The following MTUS2 variants were observed in gnomAD, a reference collection of about 807,000 sequenced individuals.
MTUS2 encodes the protein microtubule associated scaffold protein 2, also known as microtubule-associated tumor suppressor candidate 2.
MTUS2 carries 40 observed loss-of-function variants against 114.1 expected under a neutral mutation model. The observed-to-expected ratio is 0.35, with a 90% CI of 0.27 to 0.46. MTUS2 has a LOEUF of 0.46. MTUS2 is among the 20% of genes least tolerant of loss of function. The pLI, the probability that MTUS2 is intolerant of heterozygous loss-of-function variation, is 1.00. For synonymous variants in MTUS2, 688 were observed against 672.0 expected (o/e 1.02, Z -0.37); for missense variants, 1,679 against 1,705.4 (o/e 0.98, Z 0.27).
In MTUS2 at chr13:29,413,408, T is replaced by G. The variant is rs540568697; in HGVS notation, c.3118-26575T>G. On this transcript the variant is annotated intron_variant, in intron 8 of 15. Transcript: ENST00000612955. ...CATAGGCGTGGGCAAGGACTTCATG[T>G]CCAAAACACCAAAAGCAATGGCAAC... is the stretch of plus-strand genomic sequence containing the variant. Among the ~76,000 whole-genome samples, 19 of 148,740 alleles carry G rather than the reference T, an allele frequency of 1.3e-4. 1 individual carries two copies. The highest frequency in any genetic ancestry group is 3.4e-3 in the Middle Eastern group (1 of 290).
chr13:29,401,423 A>C (rs1456423786), intron 8 of MTUS2, among the ~76,000 whole-genome samples: 1 of 152,184 alleles, frequency 6.6e-6, no homozygotes, highest in East Asian at 1.9e-4. Context: ...GGTTTGATTC[A>C]TACTTAGGTC....
intron 6 of MTUS2, among the ~76,000 whole-genome samples, chr13:29,286,567 G>A (rs758628564): frequency 2.0e-5 from 3 of 152,324 alleles, no homozygotes; most frequent in South Asian, 2.1e-4. Context: ...AAGAGGAAAG[G>A]CAGGTAGTGT....
At chr13:29,135,902 TTG>T (rs1279817984) in intron 5 of MTUS2, among the ~76,000 whole-genome samples, 1 of 152,232 alleles carries the variant, frequency 6.6e-6, no homozygotes, top group Non-Finnish European at 1.5e-5. Flanking sequence ...ACTAATAATT[TTG>T]TAATGTATTA....
intron 5 of MTUS2, among the ~76,000 whole-genome samples, chr13:29,211,091 G>T (rs1895411001): frequency 6.6e-6 from 1 of 152,128 alleles, no homozygotes; most frequent in Non-Finnish European, 1.5e-5. Flanking sequence ...ACCATCAGGT[G>T]GGGGCAGATT....
intron 5 of MTUS2, among the ~76,000 whole-genome samples, chr13:29,244,921 A>T (rs1212635383): frequency 7.8e-6 from 1 of 127,830 alleles, no homozygotes; most frequent in Non-Finnish European, 1.6e-5. Flanking sequence ...CCGCCACTGC[A>T]CTCCAGCCTG....
At chr13:29,426,149 C>T (rs937644558) in intron 8 of MTUS2, among the ~76,000 whole-genome samples, 3 of 152,208 alleles carry the variant, frequency 2.0e-5, no homozygotes, top group Non-Finnish European at 4.4e-5. Context: ...ACCTGCAGCT[C>T]AGGAGCTGTT....
intron 4 of MTUS2, among the ~76,000 whole-genome samples, chr13:29,089,275 T>C (rs1889833714): frequency 1.3e-5 from 2 of 152,222 alleles, no homozygotes; most frequent in Non-Finnish European, 2.9e-5. Flanking sequence ...ATGCTAAATA[T>C]AGGGCCCCGA....
At chr13:28,991,558 C>T (rs951003158) in intron 2 of MTUS2, among the ~76,000 whole-genome samples, 24 of 152,062 alleles carry the variant, frequency 1.6e-4, no homozygotes, top group African/African-American at 4.3e-4. Flanking sequence ...TTAGTAGAGA[C>T]GGGGTTTCAC....
At chr13:29,500,634 G>A (rs904598849) in intron 14 of MTUS2, among the ~76,000 whole-genome samples, 7 of 152,134 alleles carry the variant, frequency 4.6e-5, no homozygotes, top group Non-Finnish European at 8.8e-5. Context: ...TGTCGTGCAC[G>A]CAAGGCTGGC....
rs193162590 is a variant in MTUS2, at chr13:29,164,429, A to G, written c.2644+63459A>G. On this transcript the variant is annotated intron_variant, in intron 5 of 15. Transcript: ENST00000612955. ...TGTGCGCTACAGTGGGAAGACATGT[A>G]GGTATCTTACATAAATCTTAATGGT... Among the ~76,000 whole-genome samples the G allele has an allele frequency of 4.6e-5, 7 of 152,340 alleles. No individual in the cohort carries two copies. In the East Asian group the frequency reaches 9.7e-4, roughly 21 times the overall value.
At chr13:28,992,142 CT>C (rs1022378242) in intron 2 of MTUS2, among the ~76,000 whole-genome samples, 5 of 152,156 alleles carry the variant, frequency 3.3e-5, no homozygotes, top group Non-Finnish European at 5.9e-5. Context: ...TGGCCTGAAA[CT>C]TTTTTTCCCC....
intron 5 of MTUS2, among the ~76,000 whole-genome samples, chr13:29,180,978 C>T (rs375673909): frequency 2.0e-5 from 3 of 152,176 alleles, no homozygotes; most frequent in African/African-American, 7.2e-5. Context: ...TTCAGAATAT[C>T]CTGAAAAAAA....
At chr13:29,312,227 T>G (rs1236211890) in intron 6 of MTUS2, among the ~76,000 whole-genome samples, 1 of 152,250 alleles carries the variant, frequency 6.6e-6, no homozygotes, top group Non-Finnish European at 1.5e-5. Flanking sequence ...TATCTTGTCA[T>G]TACTTATTTA....
At chr13:29,331,164 T>C (rs534724868) in intron 7 of MTUS2, among the ~76,000 whole-genome samples, 1 of 152,180 alleles carries the variant, frequency 6.6e-6, no homozygotes, top group Non-Finnish European at 1.5e-5. Context: ...CCCTTGTAAG[T>C]TGTCTTCCTA....
chr13:29,170,406 T>G (rs7999214), intron 5 of MTUS2, among the ~76,000 whole-genome samples: 37,682 of 152,060 alleles, frequency 0.25, 5,941 homozygotes, highest in African/African-American at 0.45. Flanking sequence ...CTATTCAGAG[T>G]TTCATCAACA....
At chr13:28,996,552 A>T (rs1056128441) in intron 2 of MTUS2, among the ~76,000 whole-genome samples, 19 of 152,112 alleles carry the variant, frequency 1.2e-4, no homozygotes, top group African/African-American at 4.3e-4. Context: ...TTGGTAAGCT[A>T]TTAATTATTG....
intron 2 of MTUS2, among the ~76,000 whole-genome samples, chr13:28,937,793 A>G (rs1205111588): frequency 6.6e-6 from 1 of 152,136 alleles, no homozygotes; most frequent in African/African-American, 2.4e-5. Flanking sequence ...TTAAGGGGAC[A>G]GTGACTGGCT....
At chr13:29,340,538 C>G (rs1433613306) in intron 7 of MTUS2, among the ~76,000 whole-genome samples, 1 of 148,936 alleles carries the variant, frequency 6.7e-6, no homozygotes, top group Non-Finnish European at 1.5e-5. Flanking sequence ...TTTGTTTTAG[C>G]ACAGGCAATG....
At chr13:29,494,808 G>T (rs1882418211) in intron 12 of MTUS2, among the ~76,000 whole-genome samples, 1 of 152,078 alleles carries the variant, frequency 6.6e-6, no homozygotes, top group African/African-American at 2.4e-5. Flanking sequence ...GGAGGTCGAG[G>T]GGGGCAGATC....
Sources: allele counts gnomAD v4.1 joint callset (sites outside exome capture counted in the v4.1 genomes callset), GRCh38; gene constraint gnomAD v4.1.1; transcripts MANE v1.5; gene names NCBI Gene and HGNC (gene_info 2026-07-23, HGNC 2026-07-21).